The following TMEM121 variants were observed in gnomAD, a reference collection of about 807,000 sequenced individuals.
TMEM121 encodes transmembrane protein 121A.
Under a neutral mutation model 16.4 loss-of-function variants are expected in TMEM121, and 8 were observed. The ratio of observed to expected loss-of-function variants is 0.49; its 90% CI spans 0.29 to 0.88. TMEM121 has a LOEUF of 0.88. TMEM121 is among the 40% of genes least tolerant of loss of function. The pLI, the probability that TMEM121 is intolerant of heterozygous loss-of-function variation, is 0.09. For missense variants in TMEM121, 401 were observed against 462.0 expected, an observed-to-expected ratio of 0.87 and a Z score of 1.21; for synonymous variants, 235 against 226.2, an observed-to-expected ratio of 1.04 and a Z score of -0.35.
At position 105,529,637 on chromosome 14, in the gene TMEM121, G is replaced by A. The variant is rs1171693132; in HGVS notation, c.803G>A (p.Arg268His). Reference sequence around the variant, plus strand: ...AAGGCCTGCACCTTCCTGGAGTACCGCCGCCAGGTGCGCGACTTCCCGCCG... The same window carrying A: ...AAGGCCTGCACCTTCCTGGAGTACCACCGCCAGGTGCGCGACTTCCCGCCG... ...ATKACTFLEY[R>H]RQVRDFPPPA... Residue 268 changes from arginine to histidine, a missense_variant, in exon 2 of 2, where the codon CGC (arginine) becomes CAC (histidine). By Grantham distance (29) the Arg-to-His change is conservative (BLOSUM62 0). Coordinates refer to ENST00000392519, the MANE Select transcript of TMEM121 (RefSeq NM_025268.4). 4 of 1,579,274 alleles carry A rather than the reference G, an allele frequency of 2.5e-6. No homozygotes were observed. The highest frequency in any genetic ancestry group is 1.1e-5 in the South Asian group (1 of 87,716).
At position 105,529,373 on chromosome 14, in the gene TMEM121, A is replaced by G. The variant is rs782648986; in HGVS notation, c.539A>G (p.Glu180Gly). 1 of 1,541,948 alleles carries G rather than the reference A, an allele frequency of 6.5e-7. No homozygotes were observed. Among genetic ancestry groups the G allele is most frequent in the Non-Finnish European group, 8.7e-7 (1 of 1,146,692 alleles). The change falls in exon 2 of 2, where the codon GAG becomes GGG. Residue 180 changes from glutamate to glycine, a missense_variant. Glu to Gly is a moderately conservative substitution (Grantham distance 98). Transcript: ENST00000392519. ...PPRSGLPLWA[E>G]GLTFFYCYML... ...CGCTCCGGGCTGCCGCTGTGGGCCG[A>G]GGGCCTCACCTTCTTCTACTGCTAC...
chr14:105,529,738 G>C lies in TMEM121; in HGVS notation c.904G>C (p.Gly302Arg). The stretch of plus-strand genomic sequence containing the variant: ...GCCGCCGCCGCCGCCGCCGCTGCAC[G>C]GCCCGCCTGGGCGCCCCCACATGTC... ...SVPPPPPPLH[G>R]PPGRPHMSSP... is the part of the protein sequence containing the mutation. The change falls in exon 2 of 2, where the codon GGC becomes CGC. Residue 302 changes from glycine (G) to arginine (R), a missense_variant. By Grantham distance (125) the Gly-to-Arg change is moderately radical. Transcript: ENST00000392519. 6.6e-7 allele frequency: 1 copy of C among 1,508,402 alleles called. No individual in the cohort carries two copies. The highest frequency in any genetic ancestry group is 1.3e-5 in the South Asian group (1 of 79,420). 93.4% of individuals were successfully genotyped at this position (1,508,402 alleles called of 1,614,324 possible).
chr14:105,529,048 C>A lies in TMEM121; in HGVS notation c.214C>A (p.Arg72Ser), dbSNP rs782445586. 2 of 1,612,376 alleles carry A rather than the reference C, an allele frequency of 1.2e-6. No homozygotes were observed. The highest frequency in any genetic ancestry group is 1.7e-6 in the Non-Finnish European group (2 of 1,179,774). The change falls in exon 2 of 2, where the codon CGC becomes AGC. Residue 72 changes from arginine to serine, a missense_variant. Coordinates refer to ENST00000392519, the MANE Select transcript of TMEM121 (RefSeq NM_025268.4). ...WVGAEVRTAK[R>S]GYAMILWFLY... is the part of the protein sequence containing the mutation. ...GGGCGCCGAGGTGCGCACGGCCAAG[C>A]GCGGCTACGCCATGATCCTGTGGTT...
In TMEM121 at chr14:105,526,596, T is replaced by C. The variant is rs2084589439; in HGVS notation, c.-171T>C. The C allele has an allele frequency of 8.0e-6, 1 of 124,954 alleles. No homozygotes were observed. Among genetic ancestry groups the C allele is most frequent in the Non-Finnish European group, 1.7e-5 (1 of 58,832 alleles). 7.7% of individuals were successfully genotyped at this position (124,954 alleles called of 1,614,324 possible). On this transcript the variant is annotated 5_prime_UTR_variant, in exon 1 of 2. Transcript: ENST00000392519. The surrounding 1 kb of genome is among the most constrained non-coding windows in gnomAD (Gnocchi z 6.8). Reference sequence around the variant, plus strand: ...GGAGGAGCCGGCGCGGCCCCGGCAGTGGCGGCAGAGGCTGGGCGGGCGGGC... The same window carrying C: ...GGAGGAGCCGGCGCGGCCCCGGCAGCGGCGGCAGAGGCTGGGCGGGCGGGC...
At position 105,529,182 on chromosome 14, in the gene TMEM121, G is replaced by T; in HGVS notation, c.348G>T (p.Leu116=). Residue 116 remains leucine (L), a synonymous_variant, in exon 2 of 2, where the codon CTG becomes CTT. Coordinates refer to ENST00000392519, the MANE Select transcript of TMEM121 (RefSeq NM_025268.4). ...TGGCGCGCAAGGCGCTGACGCTGCTGCTGTCTGTGTGTGTGCCCGGCCTGT... is the reference window on the plus strand; with the variant it reads ...TGGCGCGCAAGGCGCTGACGCTGCTTCTGTCTGTGTGTGTGCCCGGCCTGT... ...DPVARKALTL[L]LSVCVPGLFL... 1 of 1,586,388 alleles carries T rather than the reference G, an allele frequency of 6.3e-7. No homozygotes were observed.
Position 105,526,700 on chromosome 14 carries a change from G to A in TMEM121, c.-114+47G>A, listed in dbSNP as rs1486703165. 3 of 150,886 alleles carry A rather than the reference G, an allele frequency of 2.0e-5. No homozygotes were observed. Among genetic ancestry groups the A allele is most frequent in the Non-Finnish European group, 3.0e-5 (2 of 67,254 alleles). 9.3% of individuals were successfully genotyped at this position (150,886 alleles called of 1,614,324 possible). A position where few individuals can be genotyped will look rare whatever the true frequency, so the allele number is the denominator to read the frequency against. ...ACTGGCTGGGTGCGCGGCTGCGTCC[G>A]CGGAGGGGGCGGCGGGCCTGGGCGA... On this transcript the variant is annotated intron_variant, in intron 1 of 1. Transcript: ENST00000392519. This position sits in a 1 kb window ranked among gnomAD's most constrained non-coding sequence, Gnocchi z 6.8.
At chr14:105,528,696 G>C (rs2084610035) in intron 1 of TMEM121, 26 bp from the exon 2 acceptor site, 2 of 872,818 alleles carry the variant, frequency 2.3e-6, no homozygotes, top group African/African-American at 3.6e-5. Context: ...CCCGCACCCT[G>C]ATCTTGTCTC....
At position 105,529,168 on chromosome 14, in the gene TMEM121, G is replaced by A; in HGVS notation, c.334G>A (p.Ala112Thr). Residue 112 changes from alanine (A) to threonine (T), a missense_variant, in exon 2 of 2, where the codon GCG becomes ACG. By Grantham distance (58) the Ala-to-Thr change is moderately conservative. Transcript: ENST00000392519. ...CGCGGCGGACCCCGTGGCGCGCAAG[G>A]CGCTGACGCTGCTGCTGTCTGTGTG... is the stretch of plus-strand genomic sequence containing the variant. ...RGAADPVARK[A>T]LTLLLSVCVP... 2 of 1,590,934 alleles carry A rather than the reference G, an allele frequency of 1.3e-6. No individual in the cohort carries two copies. Among genetic ancestry groups the A allele is most frequent in the Non-Finnish European group, 1.7e-6 (2 of 1,171,178 alleles).
Position 105,528,728 on chromosome 14 carries a change from A to T in TMEM121, c.-107A>T. The T allele has an allele frequency of 6.4e-6, 7 of 1,094,154 alleles. No homozygotes were observed. The highest frequency in any genetic ancestry group is 7.9e-6 in the Non-Finnish European group (7 of 888,992). The allele number at this position is 1,094,154 out of a possible 1,614,324, so 67.8% of individuals were successfully genotyped here. The stretch of plus-strand genomic sequence containing the variant: ...TCTCCTCCGGTCTCCCCAGGTTTCG[A>T]GCTCGCCGGGCCGTGTCGCGCCATG... On this transcript the variant is annotated 5_prime_UTR_variant, in exon 2 of 2. Transcript: ENST00000392519.
chr14:105,526,844 A>G lies in TMEM121; in HGVS notation c.-114+191A>G, dbSNP rs2084592011. 6.7e-6 allele frequency among the ~76,000 whole-genome samples: 1 copy of G among 148,630 alleles called. No homozygotes were observed. Among genetic ancestry groups the G allele is most frequent in the Non-Finnish European group, 1.5e-5 (1 of 67,192 alleles). ...CCCTGCGTGGGGAAGCCTCGGGGGG[A>G]CAAGCAGAGACGCAGCCTGCTGGGA... On this transcript the variant is annotated intron_variant, in intron 1 of 1. Coordinates refer to ENST00000392519, the MANE Select transcript of TMEM121 (RefSeq NM_025268.4). This position sits in a 1 kb window ranked among gnomAD's most constrained non-coding sequence, Gnocchi z 6.8.
chr14:105,528,623 C>A, intron 1 of TMEM121, 99 bp from the exon 2 acceptor site: 1 of 341,282 alleles, frequency 2.9e-6, no homozygotes, highest in Non-Finnish European at 4.6e-6. Context: ...GGCGCGGAGA[C>A]CGCGCCTGGT....
chr14:105,529,274 G>A lies in TMEM121; in HGVS notation c.440G>A (p.Arg147His). Residue 147 changes from arginine (R) to histidine (H), a missense_variant, in exon 2 of 2, where the codon CGC (arginine) becomes CAC (histidine). Arg to His is a conservative substitution (Grantham distance 29). Coordinates refer to ENST00000392519, the MANE Select transcript of TMEM121 (RefSeq NM_025268.4). Reference sequence around the variant, plus strand: ...ACCTTCCGCAAGCGCGAGGACCTGCGCGGCCGCCTGTTTTGGGTGGCGCTG... The same window carrying A: ...ACCTTCCGCAAGCGCGAGGACCTGCACGGCCGCCTGTTTTGGGTGGCGCTG... ...VRTFRKREDLRGRLFWVALDL... is the reference protein window; with the variant it reads ...VRTFRKREDLHGRLFWVALDL... 6.5e-7 allele frequency: 1 copy of A among 1,544,184 alleles called. No individual in the cohort carries two copies. The highest frequency in any genetic ancestry group is 8.7e-7 in the Non-Finnish European group (1 of 1,148,440).
In TMEM121 at chr14:105,528,802, G is replaced by A; in HGVS notation, c.-33G>A. 7.4e-7 allele frequency: 1 copy of A among 1,353,240 alleles called. No individual in the cohort carries two copies. Among genetic ancestry groups the A allele is most frequent in the African/African-American group, 1.5e-5 (1 of 64,838 alleles). The allele number at this position is 1,353,240 out of a possible 1,614,324, so 83.8% of individuals were successfully genotyped here. A position where few individuals can be genotyped will look rare whatever the true frequency, so the allele number is the denominator to read the frequency against. The stretch of plus-strand genomic sequence containing the variant: ...CCTCGTCCCGCCAGGCGTGGGGGCC[G>A]CGCGCGCCCAGGCCGGGGCCCGGCG... On this transcript the variant is annotated 5_prime_UTR_variant, in exon 2 of 2. Transcript: ENST00000392519.
rs782519978 is a variant in TMEM121, at chr14:105,529,030, G to A, written c.196G>A (p.Glu66Lys). Residue 66 changes from glutamate to lysine, a missense_variant, in exon 2 of 2, where the codon GAG becomes AAG. Glu to Lys is a moderately conservative substitution (Grantham distance 56). Coordinates refer to ENST00000392519, the MANE Select transcript of TMEM121 (RefSeq NM_025268.4). ...LRYVAVWVGA[E>K]VRTAKRGYAM... ...CTACGTGGCCGTGTGGGTGGGCGCC[G>A]AGGTGCGCACGGCCAAGCGCGGCTA... is the stretch of plus-strand genomic sequence containing the variant. 3.7e-6 allele frequency: 6 copies of A among 1,612,088 alleles called. No homozygotes were observed. The highest frequency in any genetic ancestry group is 5.1e-6 in the Non-Finnish European group (6 of 1,179,736).
Position 105,529,518 on chromosome 14 carries a change from G to T in TMEM121, c.684G>T (p.Val228=). ...PVLSLATVNV[V]AVLARAANMA... ...TCAGCCTCGCCACCGTCAATGTGGT[G>T]GCCGTGCTGGCGCGCGCCGCCAACA... Residue 228 remains valine, a synonymous_variant, in exon 2 of 2, where the codon GTG becomes GTT. Coordinates refer to ENST00000392519, the MANE Select transcript of TMEM121 (RefSeq NM_025268.4). The T allele has an allele frequency of 6.5e-7, 1 of 1,540,512 alleles. No individual in the cohort carries two copies. The highest frequency in any genetic ancestry group is 2.0e-5 in the Admixed American group (1 of 50,988).
rs1173694652 is a variant in TMEM121 at position 105,528,943 on chromosome 14, C to A, written c.109C>A (p.Arg37Ser). Reference protein sequence around the residue: ...AYLVEQNQGPRKIGVCIIVLV... With the variant: ...AYLVEQNQGPSKIGVCIIVLV... The stretch of plus-strand genomic sequence containing the variant: ...CCTGGTGGAGCAGAACCAGGGCCCG[C>A]GCAAGATCGGCGTGTGCATCATCGT... Residue 37 changes from arginine to serine, a missense_variant, in exon 2 of 2, where the codon CGC becomes AGC. Arg to Ser is a moderately radical substitution (Grantham distance 110, BLOSUM62 -1). Coordinates refer to ENST00000392519, the MANE Select transcript of TMEM121 (RefSeq NM_025268.4). 1 of 1,604,046 alleles carries A rather than the reference C, an allele frequency of 6.2e-7. No individual in the cohort carries two copies. The highest frequency in any genetic ancestry group is 1.1e-5 in the South Asian group (1 of 89,598).
At position 105,529,613 on chromosome 14, in the gene TMEM121, A is replaced by G. The variant is rs1555444311; in HGVS notation, c.779A>G (p.Lys260Arg). 2 of 1,579,702 alleles carry G rather than the reference A, an allele frequency of 1.3e-6. No homozygotes were observed. The highest frequency in any genetic ancestry group is 2.3e-5 in the South Asian group (2 of 87,706). ...VGKNVVALAT[K>R]ACTFLEYRRQ... ...AAAAACGTGGTGGCGCTCGCCACCAAGGCCTGCACCTTCCTGGAGTACCGC... is the reference window on the plus strand; with the variant it reads ...AAAAACGTGGTGGCGCTCGCCACCAGGGCCTGCACCTTCCTGGAGTACCGC... Residue 260 changes from lysine (K) to arginine (R), a missense_variant, in exon 2 of 2, where the codon AAG (lysine) becomes AGG (arginine). Lys to Arg is a conservative substitution (Grantham distance 26). Coordinates refer to ENST00000392519, the MANE Select transcript of TMEM121 (RefSeq NM_025268.4).
chr14:105,528,785 C>T lies in TMEM121; in HGVS notation c.-50C>T. Reference sequence around the variant, plus strand: ...GGCTGAGCGCCGCAGGGCCTCGTCCCGCCAGGCGTGGGGGCCGCGCGCGCC... The same window carrying T: ...GGCTGAGCGCCGCAGGGCCTCGTCCTGCCAGGCGTGGGGGCCGCGCGCGCC... On this transcript the variant is annotated 5_prime_UTR_variant, in exon 2 of 2. Transcript: ENST00000392519. 3 of 1,295,092 alleles carry T rather than the reference C, an allele frequency of 2.3e-6. No homozygotes were observed. Among genetic ancestry groups the T allele is most frequent in the Non-Finnish European group, 9.7e-7 (1 of 1,028,584 alleles). The allele number at this position is 1,295,092 out of a possible 1,614,324, so 80.2% of individuals were successfully genotyped here. A position where few individuals can be genotyped will look rare whatever the true frequency, so the allele number is the denominator to read the frequency against.
chr14:105,527,363 G>A (rs1345007218), intron 1 of TMEM121: 5 of 144,544 alleles, frequency 3.5e-5, no homozygotes, highest in South Asian at 2.1e-4. Flanking sequence ...GCTAGGGGAG[G>A]CCCAGGTGGG....
Sources: gnomAD v4.1 joint callset for allele counts (sites outside exome capture counted in the v4.1 genomes callset) on GRCh38, gnomAD v4.1.1 for gene constraint, Gnocchi (gnomAD v3.1) non-coding constraint, MANE v1.5 for transcripts, NCBI Gene and HGNC (gene_info 2026-07-23, HGNC 2026-07-21) for gene names.